DAB1: variants seen among roughly 807,000 people sequenced by gnomAD.
DAB1 encodes disabled homolog 1.
DAB1 carries 15 observed loss-of-function variants against 64.6 expected under a neutral mutation model. The ratio of observed to expected loss-of-function variants is 0.23; its 90% confidence interval spans 0.16 to 0.36. DAB1 has a LOEUF of 0.36. Among genes scored for constraint, DAB1 ranks in the 10% least tolerant of loss-of-function variants. DAB1 has a pLI of 1.00. For missense variants in DAB1, 596 were observed against 706.7 expected (o/e 0.84, Z 1.78); for synonymous variants, 235 against 251.9 (o/e 0.93, Z 0.64).
In DAB1 at chr1:58,521,602, C is replaced by G. The variant is rs114836238; in HGVS notation, n.107+5659G>C. ...CATTTAAAAGATACATGTAAAATAA[C>G]AGGTATCCTTCAGACATTAAAATAT... On this transcript the variant is annotated intron_variant and non_coding_transcript_variant, in intron 2 of 20. Transcript: ENST00000485760. Among the ~76,000 whole-genome samples the G allele has an allele frequency of 7.6e-3, 1,151 of 152,086 alleles. 7 individuals carry two copies. The highest frequency in any genetic ancestry group is 0.02 in the African/African-American group (813 of 41,532).
intron 7 of DAB1, among the ~76,000 whole-genome samples, chr1:57,628,329 G>A (rs1645948056): frequency 6.6e-6 from 1 of 152,230 alleles, no homozygotes; most frequent in Non-Finnish European, 1.5e-5. Flanking sequence ...TGAAGTCACA[G>A]TTTGAAGACA....
At chr1:57,999,173 G>A (rs1282649027) in intron 5 of DAB1, among the ~76,000 whole-genome samples, 1 of 152,128 alleles carries the variant, frequency 6.6e-6, no homozygotes, top group Non-Finnish European at 1.5e-5. Flanking sequence ...CATGGGCCAG[G>A]GTCCTATGCT....
rs1324074812 is a variant in DAB1, at chr1:58,488,640, C to T, written n.257+17420G>A. On this transcript the variant is annotated intron_variant and non_coding_transcript_variant, in intron 3 of 20. Transcript: ENST00000485760. ...CTAATTTTTGTATTTTTAGTAGAGA[C>T]AGGGTTTCTCCATGTTGGTCAGGCT... Among the ~76,000 whole-genome samples, 6 of 152,234 alleles carry T rather than the reference C, an allele frequency of 3.9e-5. No homozygotes were observed. The East Asian group carries it at 1.2e-3, about 29-fold the overall frequency.
intron 9 of DAB1, among the ~76,000 whole-genome samples, chr1:57,027,490 AC>A (rs1271063589): frequency 1.3e-5 from 2 of 152,086 alleles, no homozygotes; most frequent in Non-Finnish European, 2.9e-5. Flanking sequence ...ACCTTTCTTT[AC>A]CCACAAATGT....
chr1:58,180,459 A>AT (rs1362693260), intron 4 of DAB1, among the ~76,000 whole-genome samples: 1 of 150,796 alleles, frequency 6.6e-6, no homozygotes, highest in East Asian at 2.0e-4. Context: ...CCCCAGGATA[A>AT]TTTTTTAAAA....
intron 1 of DAB1, among the ~76,000 whole-genome samples, chr1:57,397,212 AC>A (rs971750279): frequency 1.6e-4 from 24 of 152,090 alleles, no homozygotes; most frequent in Admixed American, 1.4e-3. Flanking sequence ...TTAAGCCAAA[AC>A]CTGCCTCCTC....
intron 1 of DAB1, chr1:58,534,167 G>T: frequency 1.1e-6 from 1 of 871,044 alleles, no homozygotes; most frequent in East Asian, 2.4e-5. Context: ...CTGGAAGCAC[G>T]AAGGCATTAA....
intron 4 of DAB1, among the ~76,000 whole-genome samples, chr1:58,197,255 C>T (rs1312334548): frequency 6.6e-6 from 1 of 151,964 alleles, no homozygotes; most frequent in Admixed American, 6.5e-5. Context: ...AAAGCCTGGA[C>T]CAGAACAGTG....
intron 3 of DAB1, among the ~76,000 whole-genome samples, chr1:58,465,621 C>T (rs1331655406): frequency 1.3e-5 from 2 of 152,066 alleles, no homozygotes; most frequent in African/African-American, 2.4e-5. Context: ...CACACAGCAG[C>T]GGTGGGAGTG....
At chr1:58,199,902 A>G (rs915668310) in intron 4 of DAB1, among the ~76,000 whole-genome samples, 1 of 152,200 alleles carries the variant, frequency 6.6e-6, no homozygotes, top group African/African-American at 2.4e-5. Flanking sequence ...CTTCCAGGTT[A>G]TGGCACTGTC....
intron 6 of DAB1, among the ~76,000 whole-genome samples, chr1:57,699,981 T>C (rs190800319): frequency 2.0e-4 from 30 of 152,266 alleles, no homozygotes; most frequent in African/African-American, 6.3e-4. Context: ...ATAGTATGAT[T>C]ATCCCTTCTC....
intron 7 of DAB1, among the ~76,000 whole-genome samples, chr1:57,528,636 G>GGACA (rs146463782): frequency 1.6e-4 from 9 of 54,786 alleles, no homozygotes; most frequent in African/African-American, 2.6e-4. Context: ...AAAAGCAGCA[G>GGACA]GACACACACA....
chr1:58,430,062 C>A lies in DAB1; in HGVS notation n.257+75998G>T, dbSNP rs145068522. 6.1e-3 allele frequency among the ~76,000 whole-genome samples: 922 copies of A among 152,286 alleles called. 12 individuals are homozygous for A. The highest frequency in any genetic ancestry group is 0.021 in the African/African-American group (862 of 41,552). On this transcript the variant is annotated intron_variant and non_coding_transcript_variant, in intron 3 of 20. Coordinates refer to the DAB1 transcript ENST00000485760. ...GGCACTAATCCCATTCAAGAGGGATCCACCTTCCTGATCTAATCACCTCCT... is the reference window on the plus strand; with the variant it reads ...GGCACTAATCCCATTCAAGAGGGATACACCTTCCTGATCTAATCACCTCCT...
chr1:57,095,042 T>C (rs981641703), intron 4 of DAB1, among the ~76,000 whole-genome samples: 1 of 152,146 alleles, frequency 6.6e-6, no homozygotes, highest in Non-Finnish European at 1.5e-5. Context: ...GGCTACTGCT[T>C]CTCAAGACTG....
chr1:58,037,872 C>G (rs1288827174), intron 5 of DAB1, among the ~76,000 whole-genome samples: 1 of 152,124 alleles, frequency 6.6e-6, no homozygotes, highest in African/African-American at 2.4e-5. Flanking sequence ...GTTTCAGGGT[C>G]AGCTTCCAGG....
intron 7 of DAB1, among the ~76,000 whole-genome samples, chr1:57,554,892 T>A (rs1330976145): frequency 6.6e-6 from 1 of 152,202 alleles, no homozygotes; most frequent in Non-Finnish European, 1.5e-5. Flanking sequence ...AGGTTATTCA[T>A]CAAGGCAGAG....
At chr1:57,134,852 T>C (rs1427958428) in intron 4 of DAB1, among the ~76,000 whole-genome samples, 1 of 152,134 alleles carries the variant, frequency 6.6e-6, no homozygotes, top group African/African-American at 2.4e-5. Flanking sequence ...TCTTCAACAA[T>C]AAAATGAGAA....
chr1:58,229,867 A>G (rs547231904), intron 4 of DAB1, among the ~76,000 whole-genome samples: 3 of 152,330 alleles, frequency 2.0e-5, no homozygotes, highest in Non-Finnish European at 4.4e-5. Context: ...TTGCCTGAAT[A>G]CTAAACATGG....
intron 3 of DAB1, among the ~76,000 whole-genome samples, chr1:58,366,216 C>A (rs536576424): frequency 1.3e-5 from 2 of 152,228 alleles, no homozygotes; most frequent in South Asian, 2.1e-4. Flanking sequence ...ATGGTTTTGC[C>A]TTTCCCTCTT....
Sources: allele counts gnomAD v4.1 joint callset (sites outside exome capture counted in the v4.1 genomes callset), GRCh38; gene constraint gnomAD v4.1.1; transcripts MANE v1.5; gene names NCBI Gene and HGNC (gene_info 2026-07-23, HGNC 2026-07-21).